The following XYLT1 variants were observed in gnomAD, a reference collection of about 807,000 sequenced individuals.
The protein encoded by XYLT1 is beta-D-xylosyltransferase 1.
XYLT1 carries 36 observed loss-of-function variants against 91.3 expected under a neutral mutation model. That is an observed-to-expected ratio of 0.39 (90% CI 0.30 to 0.52). XYLT1 has a LOEUF of 0.52. XYLT1 is among the 20% of genes least tolerant of loss of function. XYLT1 has a pLI of 0.68. For synonymous variants in XYLT1, 588 were observed against 532.0 expected (o/e 1.11, Z -1.45); for missense variants, 1,242 against 1,284.5 (o/e 0.97, Z 0.51).
intron 2 of XYLT1, among the ~76,000 whole-genome samples, chr16:17,281,825 T>C (rs1048021696): frequency 6.6e-6 from 1 of 152,186 alleles, no homozygotes; most frequent in African/African-American, 2.4e-5. Flanking sequence ...CACAAACACT[T>C]CTTGGAAACA....
chr16:17,182,410 A>G (rs998518076), intron 5 of XYLT1, among the ~76,000 whole-genome samples: 4 of 152,156 alleles, frequency 2.6e-5, no homozygotes, highest in Non-Finnish European at 5.9e-5. Flanking sequence ...TCTCTTATAA[A>G]GAAGGACACT....
chr16:17,388,424 G>T (rs1287457023), intron 1 of XYLT1, among the ~76,000 whole-genome samples: 4 of 152,124 alleles, frequency 2.6e-5, no homozygotes, highest in African/African-American at 7.2e-5. Context: ...TACAATTCAT[G>T]AACAGGGCCT....
In XYLT1 at chr16:17,312,120, A is replaced by G. The variant is rs1224056325; in HGVS notation, c.402+45892T>C. Reference sequence around the variant, plus strand: ...TCAAGGTGTGAGCTGGAGGATGAAAAAGAGCTTGCCGACAGACAAGAGGAA... The same window carrying G: ...TCAAGGTGTGAGCTGGAGGATGAAAGAGAGCTTGCCGACAGACAAGAGGAA... On this transcript the variant is annotated intron_variant, in intron 2 of 11. Transcript: ENST00000261381. This position sits in a 1 kb window ranked among gnomAD's most constrained non-coding sequence, Gnocchi z 4.4. Among the ~76,000 whole-genome samples the G allele has an allele frequency of 6.6e-6, 1 of 152,150 alleles. No homozygotes were observed. Among genetic ancestry groups the G allele is most frequent in the Non-Finnish European group, 1.5e-5 (1 of 68,016 alleles).
chr16:17,220,417 C>T (rs2032944870), intron 3 of XYLT1, among the ~76,000 whole-genome samples: 1 of 152,080 alleles, frequency 6.6e-6, no homozygotes, highest in Non-Finnish European at 1.5e-5. Context: ...AGTGGGTAGC[C>T]GGGATTGGAG....
intron 10 of XYLT1, among the ~76,000 whole-genome samples, chr16:17,126,756 T>G (rs995232250): frequency 2.6e-5 from 4 of 152,208 alleles, no homozygotes; most frequent in African/African-American, 7.2e-5. Flanking sequence ...CAGTTTTGTG[T>G]GAATAACACG....
chr16:17,461,731 C>T (rs1332797613), intron 1 of XYLT1, among the ~76,000 whole-genome samples: 3 of 152,120 alleles, frequency 2.0e-5, no homozygotes, highest in Non-Finnish European at 4.4e-5. Flanking sequence ...CTAGAGTCAA[C>T]GGACTTACTG....
intron 3 of XYLT1, among the ~76,000 whole-genome samples, chr16:17,203,414 A>ATCCACCAT (rs1223556351): frequency 1.3e-5 from 2 of 152,010 alleles, no homozygotes; most frequent in Non-Finnish European, 2.9e-5. Context: ...CCATTCATCC[A>ATCCACCAT]TCCACCATTC....
chr16:17,405,565 T>C (rs1484284883), intron 1 of XYLT1, among the ~76,000 whole-genome samples: 2 of 152,138 alleles, frequency 1.3e-5, no homozygotes, highest in African/African-American at 4.8e-5. Flanking sequence ...TCCTGGCATC[T>C]TCCTCGGGGG....
At chr16:17,278,475 G>A (rs1437250879) in intron 2 of XYLT1, among the ~76,000 whole-genome samples, 1 of 152,176 alleles carries the variant, frequency 6.6e-6, no homozygotes, top group Non-Finnish European at 1.5e-5. Flanking sequence ...TTTCACTTCA[G>A]AGGAGTTTGA....
chr16:17,324,747 T>C (rs2034773763), intron 2 of XYLT1, among the ~76,000 whole-genome samples: 1 of 152,214 alleles, frequency 6.6e-6, no homozygotes, highest in Non-Finnish European at 1.5e-5. Context: ...GTGCACCACA[T>C]GTTTTTAGTG....
chr16:17,138,043 G>GATATGAGT (rs1407193563), intron 8 of XYLT1, among the ~76,000 whole-genome samples: 1 of 117,722 alleles, frequency 8.5e-6, no homozygotes, highest in Non-Finnish European at 1.7e-5. Flanking sequence ...AAGAGAAGAT[G>GATATGAGT]ATATGAGTAT....
At chr16:17,111,383 G>GT (rs1340524625) in intron 11 of XYLT1, among the ~76,000 whole-genome samples, 10 of 152,152 alleles carry the variant, frequency 6.6e-5, no homozygotes, top group Non-Finnish European at 1.3e-4. Context: ...TTATTGCTCA[G>GT]TAGAAGCACA....
At chr16:17,172,647 C>T (rs1380507805) in intron 5 of XYLT1, among the ~76,000 whole-genome samples, 1 of 151,788 alleles carries the variant, frequency 6.6e-6, no homozygotes, top group Admixed American at 6.6e-5. Flanking sequence ...AATTTTTGTA[C>T]TTTTTAATAG....
chr16:17,291,766 G>A (rs547182478), intron 2 of XYLT1, among the ~76,000 whole-genome samples: 7 of 152,120 alleles, frequency 4.6e-5, no homozygotes, highest in Non-Finnish European at 8.8e-5. Flanking sequence ...CCTGCTGTTC[G>A]GTGTTACAAA....
rs779950648 is a variant in XYLT1 at position 17,141,131 on chromosome 16, G to C, written c.1587+22C>G. 5.0e-6 allele frequency: 8 copies of C among 1,609,086 alleles called. No individual in the cohort carries two copies. In the South Asian group the frequency reaches 8.8e-5, roughly 18 times the overall value. ...TAGAACAAGCCCCTATCTTTCTTGG[G>C]AAAATTTTCCCAGATACTCACCTCA... is the stretch of plus-strand genomic sequence containing the variant. On this transcript the variant is annotated intron_variant, in intron 7 of 11. Transcript: ENST00000261381.
At chr16:17,307,073 TTTGTTGTTG>T (rs560076174) in intron 2 of XYLT1, among the ~76,000 whole-genome samples, 5 of 151,790 alleles carry the variant, frequency 3.3e-5, no homozygotes, top group African/African-American at 9.7e-5. Flanking sequence ...TTGTGGGGTT[TTTGTTGTTG>T]TTGTTGTTGT....
intron 3 of XYLT1, among the ~76,000 whole-genome samples, chr16:17,230,365 T>G (rs62033160): frequency 0.15 from 22,077 of 152,108 alleles, 1,753 homozygotes; most frequent in Non-Finnish European, 0.15. Flanking sequence ...TCCCTTGCAT[T>G]GCTGCCTGTC....
chr16:17,380,771 G>A (rs191053243), intron 1 of XYLT1, among the ~76,000 whole-genome samples: 234 of 152,210 alleles, frequency 1.5e-3, no homozygotes, highest in African/African-American at 5.3e-3. Flanking sequence ...GAAGATCTGC[G>A]TGGATAAACC....
Position 17,306,987 on chromosome 16 carries a change from C to T in XYLT1, c.403-47489G>A, listed in dbSNP as rs183736306. Among the ~76,000 whole-genome samples the T allele has an allele frequency of 3.9e-3, 592 of 152,090 alleles. 8 individuals are homozygous for T. Among genetic ancestry groups the T allele is most frequent in the African/African-American group, 0.013 (539 of 41,472 alleles). ...GGAGTGTAGTCTCTGTAGAGGTGCA[C>T]GTACTGGCGGTTACTCACTTGTGCT... is the stretch of plus-strand genomic sequence containing the variant. On this transcript the variant is annotated intron_variant, in intron 2 of 11. Coordinates refer to ENST00000261381, the MANE Select transcript of XYLT1 (RefSeq NM_022166.4).
Sources: gnomAD v4.1 joint callset for allele counts (sites outside exome capture counted in the v4.1 genomes callset) on GRCh38, gnomAD v4.1.1 for gene constraint, Gnocchi (gnomAD v3.1) non-coding constraint, MANE v1.5 for transcripts, NCBI Gene and HGNC (gene_info 2026-07-23, HGNC 2026-07-21) for gene names.